CHD5: variants seen among roughly 807,000 people sequenced by gnomAD.
The protein encoded by CHD5 is chromodomain helicase DNA binding protein 5.
In CHD5, 69 loss-of-function variants were observed where a neutral mutation model predicts 230.3. The observed-to-expected ratio is 0.30, with a 90% CI of 0.25 to 0.37. The LOEUF is 0.37. Among genes scored for constraint, CHD5 ranks in the 10% least tolerant of loss-of-function variants. The pLI is 1.00. For synonymous variants in CHD5, 1,064 were observed against 1,065.9 expected (o/e 1.00, Z 0.03); for missense variants, 1,827 against 2,622.8 (o/e 0.70, Z 6.63).
chr1:6,165,962 G>A (rs568828587), intron 2 of CHD5, among the ~76,000 whole-genome samples: 1 of 152,090 alleles, frequency 6.6e-6, no homozygotes, highest in Non-Finnish European at 1.5e-5. Context: ...GGGCATGATG[G>A]GCCAGGCAGG....
chr1:6,152,394 A>G lies in CHD5; in HGVS notation c.870+18T>C, dbSNP rs766920348. 5.8e-5 allele frequency: 94 copies of G among 1,609,566 alleles called. No homozygotes were observed. The highest frequency in any genetic ancestry group is 7.3e-5 in the Non-Finnish European group (86 of 1,177,756). On this transcript the variant is annotated intron_variant, in intron 6 of 41. Transcript: ENST00000262450. ...TGCATGCAAATGCACACACACGCGC[A>G]CACACGCACACACTCACCGAGGAGC...
Position 6,103,231 on chromosome 1 carries a change from C to T in CHD5, c.*2243G>A, listed in dbSNP as rs1666103299. 1 of 152,578 alleles carries T rather than the reference C, an allele frequency of 6.6e-6. No homozygotes were observed. The highest frequency in any genetic ancestry group is 2.4e-5 in the African/African-American group (1 of 41,472). 9.5% of individuals were successfully genotyped at this position (152,578 alleles called of 1,614,324 possible). On this transcript the variant is annotated 3_prime_UTR_variant, in exon 42 of 42. Transcript: ENST00000262450. The stretch of plus-strand genomic sequence containing the variant: ...CCCGGGGTGCTGGCCACGGACAGCA[C>T]CACCCCTTCTGGACCAGGCAGTGCA...
chr1:6,179,657 C>T (rs1484187058), intron 1 of CHD5, among the ~76,000 whole-genome samples: 1 of 149,392 alleles, frequency 6.7e-6, no homozygotes, highest in Non-Finnish European at 1.5e-5. Context: ...CCCCCCAGCG[C>T]AGGCCCCGGC....
intron 2 of CHD5, among the ~76,000 whole-genome samples, chr1:6,166,002 G>C (rs77010307): frequency 0.016 from 2,457 of 152,046 alleles, 69 homozygotes; most frequent in African/African-American, 0.056. Context: ...ACAGACCCGG[G>C]TTCCCCCTTC....
intron 15 of CHD5, among the ~76,000 whole-genome samples, chr1:6,138,842 C>T (rs1666784283): frequency 6.6e-6 from 1 of 152,192 alleles, no homozygotes; most frequent in African/African-American, 2.4e-5. Context: ...TACTGACGAC[C>T]ACTAAAAGCC....
At chr1:6,133,786 G>A (rs2100850188) in intron 20 of CHD5, among the ~76,000 whole-genome samples, 1 of 152,336 alleles carries the variant, frequency 6.6e-6, no homozygotes, top group African/African-American at 2.4e-5. Flanking sequence ...TTGGAGAGAG[G>A]GGCTCCTCCC....
intron 2 of CHD5, among the ~76,000 whole-genome samples, chr1:6,162,637 C>T (rs538517565): frequency 3.9e-5 from 6 of 152,230 alleles, no homozygotes; most frequent in South Asian, 4.1e-4. Context: ...CACCAGAGGC[C>T]GCTGGGATTC....
chr1:6,118,434 G>A (rs150233808), intron 33 of CHD5, among the ~76,000 whole-genome samples: 150 of 147,072 alleles, frequency 1.0e-3, no homozygotes, highest in African/African-American at 3.6e-3. Context: ...CAACATAGAT[G>A]AACTTTAAAA....
Position 6,104,531 on chromosome 1 carries a change from C to G in CHD5, c.*943G>C, listed in dbSNP as rs1448398166. 6.6e-6 allele frequency: 1 copy of G among 152,108 alleles called. No homozygotes were observed. Among genetic ancestry groups the G allele is most frequent in the Non-Finnish European group, 1.5e-5 (1 of 68,042 alleles). The allele number at this position is 152,108 out of a possible 1,614,324, so 9.4% of individuals were successfully genotyped here. A position where few individuals can be genotyped will look rare whatever the true frequency, so the allele number is the denominator to read the frequency against. ...GGGCCAGCTCAGGGCCCATGACCCT[C>G]CTTGCTGGGGCGCAGCTATCACTGC... is the stretch of plus-strand genomic sequence containing the variant. On this transcript the variant is annotated 3_prime_UTR_variant, in exon 42 of 42. Coordinates refer to ENST00000262450, the MANE Select transcript of CHD5 (RefSeq NM_015557.3).
Position 6,128,916 on chromosome 1 carries a change from A to T in CHD5, c.3541T>A (p.Ser1181Thr). The T allele has an allele frequency of 6.2e-7, 1 of 1,613,288 alleles. No individual in the cohort carries two copies. The highest frequency in any genetic ancestry group is 1.7e-5 in the Admixed American group (1 of 60,012). Residue 1181 changes from serine (S) to threonine (T), a missense_variant, in exon 23 of 42, where the codon TCG (serine) becomes ACG (threonine). By Grantham distance (58) the Ser-to-Thr change is moderately conservative. Coordinates refer to ENST00000262450, the MANE Select transcript of CHD5 (RefSeq NM_015557.3). This position sits in a 1 kb window ranked among gnomAD's most constrained non-coding sequence, Gnocchi z 7.8. Reference sequence around the variant, plus strand: ...AGCTCCTGCTTGGTCATGGACCCCGACTTGGAGCCGAGGCCGGGCCGCACC... The same window carrying T: ...AGCTCCTGCTTGGTCATGGACCCCGTCTTGGAGCCGAGGCCGGGCCGCACC... ...LVVRPGLGSK[S>T]GSMTKQELDD... is the part of the protein sequence containing the mutation.
At position 6,142,354 on chromosome 1, in the gene CHD5, G is replaced by T; in HGVS notation, c.2236-26C>A. The stretch of plus-strand genomic sequence containing the variant: ...CTGGAGAGAGAGGCCGATGCCGTGA[G>T]ACCACCTGCCCTTGGCCAGGACCAG... On this transcript the variant is annotated intron_variant, in intron 14 of 41. Coordinates refer to ENST00000262450, the MANE Select transcript of CHD5 (RefSeq NM_015557.3). The surrounding 1 kb of genome is among the most constrained non-coding windows in gnomAD (Gnocchi z 5.2). 1 of 1,596,952 alleles carries T rather than the reference G, an allele frequency of 6.3e-7. No individual in the cohort carries two copies. The highest frequency in any genetic ancestry group is 1.1e-5 in the South Asian group (1 of 90,112).
At position 6,123,820 on chromosome 1, in the gene CHD5, C is replaced by T. The variant is rs1666509944; in HGVS notation, c.4699+128G>A. Reference sequence around the variant, plus strand: ...GAAAACTCTCTGTAGAGTGACATTTCAGCAAACAGAGGCTTTGGGGGAAGG... The same window carrying T: ...GAAAACTCTCTGTAGAGTGACATTTTAGCAAACAGAGGCTTTGGGGGAAGG... On this transcript the variant is annotated intron_variant, in intron 31 of 41. Transcript: ENST00000262450. 5 of 598,926 alleles carry T rather than the reference C, an allele frequency of 8.3e-6. No individual in the cohort carries two copies. In the South Asian group the frequency reaches 1.3e-4, roughly 16 times the overall value. 37.1% of individuals were successfully genotyped at this position (598,926 alleles called of 1,614,324 possible). A position where few individuals can be genotyped will look rare whatever the true frequency, so the allele number is the denominator to read the frequency against.
At chr1:6,151,207 C>A in intron 6 of CHD5, 52 bp from the exon 7 acceptor site, 1 of 1,556,880 alleles carries the variant, frequency 6.4e-7, no homozygotes, top group Non-Finnish European at 8.7e-7. Flanking sequence ...CAGAAGGCTT[C>A]GCTGGCCCAG....
chr1:6,160,165 AGCCCCAGCCAGGGAAGGGCCCCAGCCAG>A, intron 2 of CHD5, among the ~76,000 whole-genome samples: 1 of 97,132 alleles, frequency 1.0e-5, no homozygotes, highest in Non-Finnish European at 2.0e-5. Context: ...GCAAGGGAAG[AGCCCCAGCCAGGGAAGGGCCCCAGCCAG>A]AGAAGAAGAG....
intron 33 of CHD5, among the ~76,000 whole-genome samples, chr1:6,117,631 G>T (rs1316224701): frequency 6.6e-6 from 1 of 152,226 alleles, no homozygotes; most frequent in Non-Finnish European, 1.5e-5. Flanking sequence ...CAAAGGATCT[G>T]AAAGGACATT....
chr1:6,174,667 G>A (rs61159173), intron 1 of CHD5, among the ~76,000 whole-genome samples: 19,091 of 151,470 alleles, frequency 0.13, 2,240 homozygotes, highest in African/African-American at 0.32. Flanking sequence ...ATGGATAGAC[G>A]GTGGGTGGAA....
chr1:6,160,290 A>G (rs879070889), intron 2 of CHD5, among the ~76,000 whole-genome samples: 16 of 99,974 alleles, frequency 1.6e-4, no homozygotes, highest in Admixed American at 2.8e-4. Flanking sequence ...GCCAGAGAAG[A>G]AGAACCCCAG....
intron 1 of CHD5, among the ~76,000 whole-genome samples, chr1:6,172,191 G>A (rs551512839): frequency 8.1e-4 from 123 of 152,346 alleles, no homozygotes; most frequent in Non-Finnish European, 1.4e-3. Context: ...TCAGGGTAGC[G>A]CATTGCAATA....
chr1:6,115,961 T>G (rs1490538094), intron 33 of CHD5, among the ~76,000 whole-genome samples: 1 of 152,198 alleles, frequency 6.6e-6, no homozygotes, highest in East Asian at 1.9e-4. Flanking sequence ...GGAAGCTGGA[T>G]CTGAAGATTA....
Sources: allele counts gnomAD v4.1 joint callset (sites outside exome capture counted in the v4.1 genomes callset), GRCh38; gene constraint gnomAD v4.1.1; non-coding constraint Gnocchi (gnomAD v3.1); transcripts MANE v1.5; gene names NCBI Gene and HGNC (gene_info 2026-07-23, HGNC 2026-07-21).